RBM47: variants seen among roughly 807,000 people sequenced by gnomAD.
The protein encoded by RBM47 is RNA-binding protein 47.
Under a neutral mutation model 47.1 loss-of-function variants are expected in RBM47, and 21 were observed. The ratio of observed to expected loss-of-function variants is 0.45; its 90% CI spans 0.32 to 0.64. RBM47 has a LOEUF of 0.64. Ranked by LOEUF, RBM47 falls within the 30% of genes least tolerant of loss-of-function variation. The pLI is 0.05. For synonymous variants in RBM47, 375 were observed against 361.7 expected (o/e 1.04, Z -0.42); for missense variants, 708 against 870.9 (o/e 0.81, Z 2.35).
intron 2 of RBM47, among the ~76,000 whole-genome samples, chr4:40,476,853 C>T (rs1719675677): frequency 6.6e-6 from 1 of 152,112 alleles, no homozygotes; most frequent in African/African-American, 2.4e-5. Flanking sequence ...AAATGTGGTC[C>T]CCAGTTTTCC....
chr4:40,587,072 G>A (rs2170437), intron 1 of RBM47, among the ~76,000 whole-genome samples: 47 of 152,264 alleles, frequency 3.1e-4, no homozygotes, highest in African/African-American at 1.1e-3. Flanking sequence ...GTGTGATACA[G>A]GCAAAGGGCT....
chr4:40,606,858 A>T (rs1735803710), intron 1 of RBM47, among the ~76,000 whole-genome samples: 1 of 152,094 alleles, frequency 6.6e-6, no homozygotes, highest in Non-Finnish European at 1.5e-5. Flanking sequence ...AAAAACAAAA[A>T]TAAGTTAGCC....
rs1415711915 is a variant in RBM47, at chr4:40,438,290, C to G, written c.604G>C (p.Glu202Gln). Residue 202 changes from glutamate (E) to glutamine (Q), a missense_variant, in exon 4 of 7, where the codon GAG becomes CAG. By Grantham distance (29) the Glu-to-Gln change is conservative. Coordinates refer to ENST00000295971, the MANE Select transcript of RBM47 (RefSeq NM_001098634.2). ...KNRGFAFVEY[E>Q]SHRAAAMARR... ...GCCATGGCAGCCGCGCGGTGGCTCT[C>G]GTACTCCACGAAGGCGAAGCCGCGG... The G allele has an allele frequency of 6.2e-7, 1 of 1,604,506 alleles. No homozygotes were observed. The highest frequency in any genetic ancestry group is 8.5e-7 in the Non-Finnish European group (1 of 1,179,870).
chr4:40,618,834 AG>A lies in RBM47; in HGVS notation c.-240+10561del, dbSNP rs1437995340. ...AAAAAAAAAAAAAAAAAAAAAAAAA[AG>A]GGAAACTTCCAGCATCTCCTTGGGA... On this transcript the variant is annotated intron_variant, in intron 1 of 6. Coordinates refer to ENST00000295971, the MANE Select transcript of RBM47 (RefSeq NM_001098634.2). Among the ~76,000 whole-genome samples the A allele has an allele frequency of 4.5e-4, 67 of 147,632 alleles. 1 individual carries two copies. Among genetic ancestry groups the A allele is most frequent in the South Asian group, 1.5e-3 (7 of 4,664 alleles).
chr4:40,625,869 G>A (rs918125117), intron 1 of RBM47, among the ~76,000 whole-genome samples: 1 of 152,100 alleles, frequency 6.6e-6, no homozygotes, highest in Non-Finnish European at 1.5e-5. Context: ...CCAAAAGATT[G>A]ATATTTTCCT....
intron 1 of RBM47, among the ~76,000 whole-genome samples, chr4:40,592,612 C>CG (rs1455769597): frequency 1.3e-5 from 2 of 151,130 alleles, no homozygotes; most frequent in East Asian, 3.9e-4. Context: ...TTAGTAGAGA[C>CG]GGGGTTTCTC....
At chr4:40,444,811 C>T (rs184968745) in intron 3 of RBM47, among the ~76,000 whole-genome samples, 2 of 151,754 alleles carry the variant, frequency 1.3e-5, no homozygotes, top group African/African-American at 2.4e-5. Flanking sequence ...ATTACAGGTG[C>T]GTACCATCAT....
At chr4:40,604,809 G>A (rs910128083) in intron 1 of RBM47, among the ~76,000 whole-genome samples, 26 of 151,764 alleles carry the variant, frequency 1.7e-4, no homozygotes, top group African/African-American at 4.6e-4. Flanking sequence ...CTCTGCCTCC[G>A]GGGTTCAAGC....
intron 5 of RBM47, among the ~76,000 whole-genome samples, chr4:40,435,974 C>A (rs552420338): frequency 7.5e-6 from 1 of 132,886 alleles, no homozygotes; most frequent in Non-Finnish European, 1.6e-5. Flanking sequence ...CTGGCTAACA[C>A]GGTGAAACCC....
At chr4:40,561,726 T>A (rs1485064084) in intron 1 of RBM47, among the ~76,000 whole-genome samples, 6 of 151,870 alleles carry the variant, frequency 4.0e-5, no homozygotes, top group Non-Finnish European at 8.8e-5. Flanking sequence ...ATTTTTGTAT[T>A]TTTTGCAGAG....
chr4:40,561,713 C>G (rs1034529222), intron 1 of RBM47, among the ~76,000 whole-genome samples: 13 of 151,746 alleles, frequency 8.6e-5, no homozygotes, highest in Admixed American at 8.5e-4. Flanking sequence ...CCATGCCCAG[C>G]TAATTTTTGT....
intron 6 of RBM47, chr4:40,427,187 A>C (rs1035913981): frequency 2.6e-5 from 4 of 152,208 alleles, no homozygotes; most frequent in African/African-American, 9.6e-5. Flanking sequence ...ATCACCTCCC[A>C]CCTAAGAGAT....
intron 1 of RBM47, among the ~76,000 whole-genome samples, chr4:40,559,326 G>A (rs1362885874): frequency 6.6e-6 from 1 of 152,188 alleles, no homozygotes; most frequent in Admixed American, 6.6e-5. Context: ...AATTACAGGT[G>A]ACAAACACAG....
At chr4:40,535,992 C>T (rs1310208951) in intron 2 of RBM47, among the ~76,000 whole-genome samples, 4 of 152,242 alleles carry the variant, frequency 2.6e-5, no homozygotes, top group Non-Finnish European at 5.9e-5. Flanking sequence ...TGAGCCACTG[C>T]GCCCAGCCTC....
intron 1 of RBM47, among the ~76,000 whole-genome samples, chr4:40,604,110 C>T (rs1019668110): frequency 2.0e-5 from 3 of 152,206 alleles, no homozygotes; most frequent in African/African-American, 7.2e-5. Context: ...CCCTAACCAA[C>T]CATTTATCCA....
At chr4:40,432,924 C>T in intron 5 of RBM47, 62 bp from the exon 6 acceptor site, 1 of 1,566,360 alleles carries the variant, frequency 6.4e-7, no homozygotes, top group African/African-American at 1.4e-5. Context: ...TGGGGTCCAG[C>T]ACTTGCTCTA....
At chr4:40,501,439 G>A (rs1723346693) in intron 2 of RBM47, among the ~76,000 whole-genome samples, 1 of 152,174 alleles carries the variant, frequency 6.6e-6, no homozygotes. Context: ...CTGAAAACAA[G>A]CATCTAGGCC....
intron 2 of RBM47, among the ~76,000 whole-genome samples, chr4:40,518,691 C>G (rs943092078): frequency 6.6e-6 from 1 of 152,026 alleles, no homozygotes; most frequent in Non-Finnish European, 1.5e-5. Flanking sequence ...GCCTACACAC[C>G]CTACTGCCCA....
chr4:40,505,494 T>TAA (rs560606253), intron 2 of RBM47, among the ~76,000 whole-genome samples: 2 of 132,444 alleles, frequency 1.5e-5, no homozygotes, highest in African/African-American at 2.8e-5. Flanking sequence ...AAAAAAAGTG[T>TAA]AAAAAAAAAA....
Sources: allele counts gnomAD v4.1 joint callset (sites outside exome capture counted in the v4.1 genomes callset), GRCh38; gene constraint gnomAD v4.1.1; transcripts MANE v1.5; gene names NCBI Gene and HGNC (gene_info 2026-07-23, HGNC 2026-07-21).